Variants in NR5A2 observed in about 807,000 individuals in gnomAD.
NR5A2 encodes nuclear receptor subfamily 5 group A member 2.
Under a neutral mutation model 62.7 loss-of-function variants are expected in NR5A2, and 26 were observed. The observed-to-expected ratio is 0.41, with a 90% CI of 0.30 to 0.58. NR5A2 has a LOEUF of 0.58. Ranked by LOEUF, NR5A2 falls within the 20% of genes least tolerant of loss-of-function variation. NR5A2 has a pLI of 0.22. For synonymous variants in NR5A2, 246 were observed against 241.7 expected (o/e 1.02, Z -0.16); for missense variants, 541 against 669.1 (o/e 0.81, Z 2.11).
chr1:200,044,756 C>T (rs1305206720), intron 3 of NR5A2, among the ~76,000 whole-genome samples: 2 of 151,978 alleles, frequency 1.3e-5, no homozygotes, highest in Non-Finnish European at 2.9e-5. Context: ...TATTATAAAG[C>T]TACACATTTT....
intron 5 of NR5A2, among the ~76,000 whole-genome samples, chr1:200,105,680 C>G (rs146965072): frequency 4.6e-5 from 7 of 152,216 alleles, no homozygotes; most frequent in African/African-American, 7.2e-5. Context: ...GGCCAGGCTC[C>G]GGGGGTCATA....
At chr1:200,119,750 C>G (rs1229478474) in intron 6 of NR5A2, among the ~76,000 whole-genome samples, 1 of 152,140 alleles carries the variant, frequency 6.6e-6, no homozygotes. Context: ...CCTCAGCCTC[C>G]CCAGTAGCTG....
chr1:200,160,016 G>A (rs1196501928), intron 7 of NR5A2, among the ~76,000 whole-genome samples: 6 of 152,076 alleles, frequency 3.9e-5, no homozygotes, highest in African/African-American at 1.4e-4. Flanking sequence ...TTTTCCCCAT[G>A]GCACCCTCCT....
chr1:200,046,117 A>G (rs1468239285), intron 4 of NR5A2, among the ~76,000 whole-genome samples: 1 of 152,176 alleles, frequency 6.6e-6, no homozygotes. Context: ...TAGTGTAGAA[A>G]TGTATTTTTT....
chr1:200,042,680 G>A (rs904622501), intron 2 of NR5A2: 2 of 358,380 alleles, frequency 5.6e-6, no homozygotes, highest in South Asian at 1.1e-4. Context: ...GGGGGAGTGC[G>A]GGCAGGGTCC....
chr1:200,048,453 A>G lies in NR5A2; in HGVS notation c.745A>G (p.Met249Val). 1 of 1,614,158 alleles carries G rather than the reference A, an allele frequency of 6.2e-7. No individual in the cohort carries two copies. The highest frequency in any genetic ancestry group is 1.3e-5 in the African/African-American group (1 of 75,022). The change falls in exon 5 of 8, where the codon ATG becomes GTG. Residue 249 changes from methionine to valine, a missense_variant. Transcript: ENST00000367362. This position sits in a 1 kb window ranked among gnomAD's most constrained non-coding sequence, Gnocchi z 4.8. ...TGTAACATCCCCCATTAGCATGACA[A>G]TGCCCCCTCACGGCAGCCTGCAAGG... is the stretch of plus-strand genomic sequence containing the variant. ...PFVTSPISMT[M>V]PPHGSLQGYQ... is the part of the protein sequence containing the mutation.
chr1:200,133,577 A>T lies in NR5A2; in HGVS notation c.1378+12622A>T, dbSNP rs535814811. ...TATATACACACATATATATATACACATATATATACACATATATATATATAC... is the reference window on the plus strand; with the variant it reads ...TATATACACACATATATATATACACTTATATATACACATATATATATATAC... On this transcript the variant is annotated intron_variant, in intron 7 of 7. Coordinates refer to ENST00000367362, the MANE Select transcript of NR5A2 (RefSeq NM_205860.3). Among the ~76,000 whole-genome samples the T allele has an allele frequency of 5.8e-3, 748 of 129,808 alleles. 2 individuals are homozygous for T. The highest frequency in any genetic ancestry group is 0.02 in the African/African-American group (702 of 34,876). The allele number at this position is 129,808 out of a possible 152,430, so 85.2% of individuals were successfully genotyped here.
At chr1:200,105,364 C>T (rs1665599734) in intron 5 of NR5A2, among the ~76,000 whole-genome samples, 1 of 152,150 alleles carries the variant, frequency 6.6e-6, no homozygotes, top group South Asian at 2.1e-4. Context: ...TGCTTCAGCA[C>T]ATCCTTCTCT....
chr1:200,163,486 GT>G (rs560600548), intron 7 of NR5A2, among the ~76,000 whole-genome samples: 102 of 142,082 alleles, frequency 7.2e-4, no homozygotes, highest in Middle Eastern at 3.7e-3. Flanking sequence ...TTTGTTTATT[GT>G]TTTTTTTTTT....
chr1:200,126,134 CACA>C (rs1209833458), intron 7 of NR5A2, among the ~76,000 whole-genome samples: 4 of 152,132 alleles, frequency 2.6e-5, no homozygotes, highest in Non-Finnish European at 5.9e-5. Flanking sequence ...AGCCATGAGT[CACA>C]ACATCTGGCC....
chr1:200,052,861 T>G (rs10919801), intron 5 of NR5A2, among the ~76,000 whole-genome samples: 3 of 151,750 alleles, frequency 2.0e-5, no homozygotes, highest in South Asian at 2.1e-4. Context: ...AGGATGGTCT[T>G]GATCTCCTGA....
At chr1:200,059,141 C>T (rs555296135) in intron 5 of NR5A2, among the ~76,000 whole-genome samples, 53 of 151,930 alleles carry the variant, frequency 3.5e-4, no homozygotes, top group Non-Finnish European at 1.0e-4. Flanking sequence ...TAGAGGAGAC[C>T]ATCGTAGGAA....
chr1:200,134,077 A>ACAAT (rs1667109968), intron 7 of NR5A2, among the ~76,000 whole-genome samples: 1 of 152,236 alleles, frequency 6.6e-6, no homozygotes, highest in Non-Finnish European at 1.5e-5. Context: ...ATACAGCTGT[A>ACAAT]CAATGTATTT....
At chr1:200,089,632 G>A in intron 5 of NR5A2, among the ~76,000 whole-genome samples, 1 of 152,060 alleles carries the variant, frequency 6.6e-6, no homozygotes, top group East Asian at 1.9e-4. Context: ...ACCAAGCCCA[G>A]CTACTTCTTG....
chr1:200,127,288 T>C (rs1199853359), intron 7 of NR5A2, among the ~76,000 whole-genome samples: 2 of 152,190 alleles, frequency 1.3e-5, no homozygotes, highest in African/African-American at 4.8e-5. Context: ...AGGTTTGAAC[T>C]GTGTGGGTCC....
intron 5 of NR5A2, among the ~76,000 whole-genome samples, chr1:200,092,308 G>A (rs950527446): frequency 3.3e-5 from 5 of 152,042 alleles, no homozygotes; most frequent in African/African-American, 7.3e-5. Context: ...ATAAAAAGAC[G>A]CACTATAAGT....
At position 200,176,034 on chromosome 1, in the gene NR5A2, A is replaced by G. The variant is rs180686605; in HGVS notation, c.*1824A>G. The G allele has an allele frequency of 6.6e-6, 1 of 152,670 alleles. No homozygotes were observed. The allele number at this position is 152,670 out of a possible 1,614,324, so 9.5% of individuals were successfully genotyped here. On this transcript the variant is annotated 3_prime_UTR_variant, in exon 8 of 8. Transcript: ENST00000367362. ...ACCAAATATATGTGTTTACTGTAGC[A>G]TGTCTTCAAATTAGTGGAACTTAGT... is the stretch of plus-strand genomic sequence containing the variant.
chr1:200,054,697 G>A (rs1308770007), intron 5 of NR5A2, among the ~76,000 whole-genome samples: 2 of 152,266 alleles, frequency 1.3e-5, no homozygotes, highest in South Asian at 2.1e-4. Flanking sequence ...TATCTAAAGC[G>A]AGGGCACAAG....
At chr1:200,090,051 G>A (rs184272150) in intron 5 of NR5A2, among the ~76,000 whole-genome samples, 37 of 152,224 alleles carry the variant, frequency 2.4e-4, no homozygotes, top group African/African-American at 8.7e-4. Flanking sequence ...CAAAATCTGG[G>A]ATGGGATGTA....
Sources: allele counts gnomAD v4.1 joint callset (sites outside exome capture counted in the v4.1 genomes callset), GRCh38; gene constraint gnomAD v4.1.1; non-coding constraint Gnocchi (gnomAD v3.1); transcripts MANE v1.5; gene names NCBI Gene and HGNC (gene_info 2026-07-23, HGNC 2026-07-21).